Variants in UNC5B observed in about 807,000 individuals in gnomAD.
UNC5B encodes unc-5 netrin receptor B.
A neutral mutation model predicts 103.7 loss-of-function variants in UNC5B; 56 were observed. The ratio of observed to expected loss-of-function variants is 0.54; its 90% CI spans 0.44 to 0.67. UNC5B has a LOEUF of 0.67. UNC5B is among the 30% of genes least tolerant of loss of function. The pLI is 0.00. For synonymous variants in UNC5B, 577 were observed against 542.0 expected (o/e 1.06, Z -0.90); for missense variants, 1,194 against 1,284.5 (o/e 0.93, Z 1.08).
In UNC5B at chr10:71,295,845, A is replaced by G. The variant is rs765824684; in HGVS notation, c.2210A>G (p.Tyr737Cys). Residue 737 changes from tyrosine to cysteine, a missense_variant, in exon 14 of 17, where the codon TAC becomes TGC. Physicochemically the swap from Tyr to Cys is radical, Grantham distance 194. Coordinates refer to ENST00000335350, the MANE Select transcript of UNC5B (RefSeq NM_170744.5). ...VLELERTLGG[Y>C]LVEEPKPLMF... ...GAGCTGGAGCGGACTCTGGGCGGATACTTGGTGGAGGAGCCGAAACCGCTA... is the reference window on the plus strand; with the variant it reads ...GAGCTGGAGCGGACTCTGGGCGGATGCTTGGTGGAGGAGCCGAAACCGCTA... 2 of 1,612,892 alleles carry G rather than the reference A, an allele frequency of 1.2e-6. No homozygotes were observed. Among genetic ancestry groups the G allele is most frequent in the Non-Finnish European group, 1.7e-6 (2 of 1,179,950 alleles).
In UNC5B at chr10:71,284,702, T is replaced by C. The variant is rs1302055493; in HGVS notation, c.305-18T>C. ...TGCTTTGCCCCTGCCCCCTGACGGC[T>C]CTCTCTTCTCCTCCCAGGCCTGCGG... is the stretch of plus-strand genomic sequence containing the variant. On this transcript the variant is annotated intron_variant, in intron 2 of 16. Coordinates refer to ENST00000335350, the MANE Select transcript of UNC5B (RefSeq NM_170744.5). 1 of 1,612,698 alleles carries C rather than the reference T, an allele frequency of 6.2e-7. No individual in the cohort carries two copies. The highest frequency in any genetic ancestry group is 1.7e-5 in the Admixed American group (1 of 60,006).
chr10:71,226,101 G>A (rs1018114314), intron 1 of UNC5B, among the ~76,000 whole-genome samples: 2 of 151,982 alleles, frequency 1.3e-5, no homozygotes, highest in African/African-American at 2.4e-5. Flanking sequence ...TTGAGACTGA[G>A]TCTTGCTCTA....
At chr10:71,248,308 GC>G (rs1844085308) in intron 1 of UNC5B, among the ~76,000 whole-genome samples, 1 of 152,078 alleles carries the variant, frequency 6.6e-6, no homozygotes. Context: ...AAGCAGGGAC[GC>G]CCTGGGAGCC....
Position 71,297,980 on chromosome 10 carries a change from T to C in UNC5B, c.2562T>C (p.Tyr854=), listed in dbSNP as rs766634126. The change falls in exon 16 of 17, where the codon TAT becomes TAC. Residue 854 remains tyrosine, a synonymous_variant. Transcript: ENST00000335350. Reference sequence around the variant, plus strand: ...CTGTCACCACCCAGCTGGGACCTTATGCCTTCAAGATCCCACTGTCCATCC... The same window carrying C: ...CTGTCACCACCCAGCTGGGACCTTACGCCTTCAAGATCCCACTGTCCATCC... The part of the protein sequence containing the change: ...GSTVTTQLGP[Y]AFKIPLSIRQ... 4 of 1,614,022 alleles carry C rather than the reference T, an allele frequency of 2.5e-6. No individual in the cohort carries two copies. The highest frequency in any genetic ancestry group is 1.1e-5 in the South Asian group (1 of 91,076).
chr10:71,282,912 C>T lies in UNC5B; in HGVS notation c.305-1808C>T, dbSNP rs201597545. On this transcript the variant is annotated intron_variant, in intron 2 of 16. Coordinates refer to ENST00000335350, the MANE Select transcript of UNC5B (RefSeq NM_170744.5). ...CGGGCAATTCACGAGGTCAGGAGATCGAGACCATCCTGGCTAACACAGTGA... is the reference window on the plus strand; with the variant it reads ...CGGGCAATTCACGAGGTCAGGAGATTGAGACCATCCTGGCTAACACAGTGA... Among the ~76,000 whole-genome samples, 13 of 151,944 alleles carry T rather than the reference C, an allele frequency of 8.6e-5. No individual in the cohort carries two copies. The East Asian group carries it at 9.7e-4, about 11-fold the overall frequency.
chr10:71,222,526 C>A (rs925175403), intron 1 of UNC5B, among the ~76,000 whole-genome samples: 4 of 151,954 alleles, frequency 2.6e-5, no homozygotes, highest in African/African-American at 9.7e-5. Context: ...CCTCCTCCAC[C>A]CCCCGATTTG....
chr10:71,269,083 C>T (rs1192521267), intron 1 of UNC5B, among the ~76,000 whole-genome samples: 2 of 152,156 alleles, frequency 1.3e-5, no homozygotes, highest in African/African-American at 4.8e-5. Context: ...ATTCAAAAGT[C>T]CTCAGTCAAT....
At chr10:71,293,127 G>A (rs1160870719) in intron 11 of UNC5B, among the ~76,000 whole-genome samples, 4 of 152,182 alleles carry the variant, frequency 2.6e-5, no homozygotes, top group African/African-American at 7.2e-5. Context: ...GTGACCTATT[G>A]AAAACCTTCC....
At position 71,264,738 on chromosome 10, in the gene UNC5B, C is replaced by T. The variant is rs141625099; in HGVS notation, c.80-15083C>T. On this transcript the variant is annotated intron_variant, in intron 1 of 16. Coordinates refer to ENST00000335350, the MANE Select transcript of UNC5B (RefSeq NM_170744.5). ...TACATTCTCAAGGCCCACCCCACACCGACTGAATCAGAACTTGGGGGCAGG... is the reference window on the plus strand; with the variant it reads ...TACATTCTCAAGGCCCACCCCACACTGACTGAATCAGAACTTGGGGGCAGG... 7.3e-3 allele frequency among the ~76,000 whole-genome samples: 1,106 copies of T among 152,232 alleles called. 4 individuals carry two copies. The highest frequency in any genetic ancestry group is 0.041 in the Middle Eastern group (12 of 294).
chr10:71,230,660 G>GACC (rs1843664943), intron 1 of UNC5B, among the ~76,000 whole-genome samples: 1 of 152,238 alleles, frequency 6.6e-6, no homozygotes, highest in South Asian at 2.1e-4. Context: ...GGACAGCTGG[G>GACC]ACCAGCCTTC....
chr10:71,247,475 G>T (rs1297426610), intron 1 of UNC5B, among the ~76,000 whole-genome samples: 1 of 152,254 alleles, frequency 6.6e-6, no homozygotes, highest in Non-Finnish European at 1.5e-5. Context: ...GGCCTGGCTT[G>T]TTTCTTTCTT....
In UNC5B at chr10:71,288,933, T is replaced by A. The variant is rs779275160; in HGVS notation, c.1067-25T>A. ...CCTTTCCCTGTCACCTATGTCATTG[T>A]CTTTCCCTTTATTTCCCTTGACAGA... is the stretch of plus-strand genomic sequence containing the variant. On this transcript the variant is annotated intron_variant, in intron 7 of 16. Transcript: ENST00000335350. 2.5e-6 allele frequency: 4 copies of A among 1,612,768 alleles called. No homozygotes were observed. In the African/African-American group the frequency reaches 5.3e-5, roughly 22 times the overall value.
rs1444633529 is a variant in UNC5B, at chr10:71,298,501, C to T, written c.2672+411C>T. On this transcript the variant is annotated intron_variant, in intron 16 of 16. Transcript: ENST00000335350. ...ACCAAGATACACTTTGGTGTCAAAA[C>T]TCCTTTGGAGAACCTCAAATGCTGG... Among the ~76,000 whole-genome samples the T allele has an allele frequency of 1.1e-4, 16 of 152,154 alleles. 1 individual carries two copies. The South Asian group carries it at 2.7e-3, about 26-fold the overall frequency.
rs758141824 is a variant in UNC5B, at chr10:71,291,409, G to A, written c.1295-23G>A. 10 of 1,570,742 alleles carry A rather than the reference G, an allele frequency of 6.4e-6. No individual in the cohort carries two copies. In the Admixed American group the frequency reaches 1.8e-4, roughly 28 times the overall value. On this transcript the variant is annotated intron_variant, in intron 9 of 16. Coordinates refer to ENST00000335350, the MANE Select transcript of UNC5B (RefSeq NM_170744.5). ...AGTGAGCTGAGGCACAGCTGGGTCT[G>A]ACTATAGCCCCTACTCCTGCAGGCA...
intron 1 of UNC5B, among the ~76,000 whole-genome samples, chr10:71,258,506 C>G (rs767419840): frequency 2.0e-5 from 3 of 152,186 alleles, no homozygotes; most frequent in Non-Finnish European, 4.4e-5. Context: ...GAAGCCTGGC[C>G]CCTTCCTGAG....
intron 1 of UNC5B, among the ~76,000 whole-genome samples, chr10:71,277,774 C>T (rs977714288): frequency 1.3e-5 from 2 of 152,368 alleles, no homozygotes; most frequent in Admixed American, 6.5e-5. Context: ...CCCACATTAG[C>T]TACCCACTCA....
intron 1 of UNC5B, among the ~76,000 whole-genome samples, chr10:71,240,174 A>G (rs578009357): frequency 1.6e-4 from 24 of 152,220 alleles, no homozygotes; most frequent in African/African-American, 5.8e-4. Flanking sequence ...TCGTGTGCCA[A>G]CCTGTGCCCC....
At position 71,292,470 on chromosome 10, in the gene UNC5B, T is replaced by A; in HGVS notation, c.1688T>A (p.Val563Asp). 1 of 1,593,188 alleles carries A rather than the reference T, an allele frequency of 6.3e-7. No homozygotes were observed. Among genetic ancestry groups the A allele is most frequent in the Non-Finnish European group, 8.6e-7 (1 of 1,169,330 alleles). ...GGRLSIPGTG[V>D]SLLVPNGAIP... The stretch of plus-strand genomic sequence containing the variant: ...GCTGACTTCCCTCTCCCCCTAGGGG[T>A]CAGCTTGCTGGTGCCCAATGGAGCC... Residue 563 changes from valine to aspartate, a missense_variant, in exon 11 of 17, where the codon GTC becomes GAC. By Grantham distance (152) the Val-to-Asp change is radical. Coordinates refer to ENST00000335350, the MANE Select transcript of UNC5B (RefSeq NM_170744.5).
At chr10:71,266,761 C>G (rs944496905) in intron 1 of UNC5B, among the ~76,000 whole-genome samples, 1 of 152,192 alleles carries the variant, frequency 6.6e-6, no homozygotes, top group African/African-American at 2.4e-5. Context: ...CCCCCTTACT[C>G]GAGGTCTCCC....
Sources: allele counts gnomAD v4.1 joint callset (sites outside exome capture counted in the v4.1 genomes callset), GRCh38; gene constraint gnomAD v4.1.1; transcripts MANE v1.5; gene names NCBI Gene and HGNC (gene_info 2026-07-23, HGNC 2026-07-21).